ANKRD16: variants seen among roughly 807,000 people sequenced by gnomAD.
ANKRD16 encodes the protein ankyrin repeat domain-containing protein 16.
Under a neutral mutation model 37.9 loss-of-function variants are expected in ANKRD16, and 35 were observed. The observed-to-expected ratio is 0.92, with a 90% CI of 0.71 to 1.23. The LOEUF is 1.23. Among genes scored for constraint, ANKRD16 ranks in the 50% most tolerant of loss-of-function variants. ANKRD16 has a pLI of 0.00. For synonymous variants in ANKRD16, 206 were observed against 197.2 expected (o/e 1.04, Z -0.37); for missense variants, 480 against 469.9 (o/e 1.02, Z -0.20).
At chr10:5,887,759 A>T in intron 2 of ANKRD16, 88 bp downstream of exon 2, 1 of 1,024,550 alleles carries the variant, frequency 9.8e-7, no homozygotes, top group Non-Finnish European at 1.3e-6. Context: ...CTTTCCCCTG[A>T]AGGTGACCTG....
rs1011605869 is a variant in ANKRD16, at chr10:5,883,418, A to G, written c.688-251T>C. ...AACCTCCATCTCCTTGGTTCAAGCG[A>G]GTCTCTTGCTTCAGCCTCAGGTGTG... On this transcript the variant is annotated intron_variant, in intron 4 of 7. Coordinates refer to ENST00000380094, the MANE Select transcript of ANKRD16 (RefSeq NM_019046.3). 5.3e-5 allele frequency among the ~76,000 whole-genome samples: 8 copies of G among 152,116 alleles called. 1 individual carries two copies. Among genetic ancestry groups the G allele is most frequent in the Non-Finnish European group, 1.2e-4 (8 of 68,024 alleles).
At position 5,870,796 on chromosome 10, in the gene ANKRD16, T is replaced by C. The variant is rs755083756; in HGVS notation, c.*33+7301A>G. On this transcript the variant is annotated intron_variant, in intron 7 of 7. Coordinates refer to ENST00000380094, the MANE Select transcript of ANKRD16 (RefSeq NM_019046.3). This position sits in a 1 kb window ranked among gnomAD's most constrained non-coding sequence, Gnocchi z 5.0. ...AACAAGAGACCTGGTTCACCTGTGG[T>C]GAAGCCAGGAGAGGTGTCATGTTGG... Among the ~76,000 whole-genome samples the C allele has an allele frequency of 6.6e-6, 1 of 152,134 alleles. No homozygotes were observed. The highest frequency in any genetic ancestry group is 2.4e-5 in the African/African-American group (1 of 41,426).
At chr10:5,885,431 C>T (rs1009556930) in intron 3 of ANKRD16, among the ~76,000 whole-genome samples, 11 of 152,112 alleles carry the variant, frequency 7.2e-5, no homozygotes, top group Non-Finnish European at 1.6e-4. Context: ...ATCCGCCCGC[C>T]TCGGCCTCGC....
At chr10:5,876,374 C>G (rs1364290008) in intron 7 of ANKRD16, among the ~76,000 whole-genome samples, 1 of 152,222 alleles carries the variant, frequency 6.6e-6, no homozygotes, top group Non-Finnish European at 1.5e-5. Flanking sequence ...GGAAGCTGAT[C>G]GTGCACGCAG....
In ANKRD16 at chr10:5,862,730, G is replaced by T. The variant is rs1265055196; in HGVS notation, c.*34-39C>A. ...GTTATTATCATCTCAGTTTACAGAT[G>T]AAACAGAAGCTCAGAGAGGGCAAGC... On this transcript the variant is annotated intron_variant, in intron 7 of 7. Coordinates refer to ENST00000380094, the MANE Select transcript of ANKRD16 (RefSeq NM_019046.3). The surrounding 1 kb of genome is among the most constrained non-coding windows in gnomAD (Gnocchi z 6.5). 1 of 1,269,644 alleles carries T rather than the reference G, an allele frequency of 7.9e-7. No individual in the cohort carries two copies. Among genetic ancestry groups the T allele is most frequent in the Non-Finnish European group, 1.0e-6 (1 of 970,740 alleles). 78.6% of individuals were successfully genotyped at this position (1,269,644 alleles called of 1,614,324 possible). A position where few individuals can be genotyped will look rare whatever the true frequency, so the allele number is the denominator to read the frequency against.
Position 5,887,923 on chromosome 10 carries a change from G to A in ANKRD16, c.459C>T (p.Leu153=), listed in dbSNP as rs1842471336. Residue 153 remains leucine, a synonymous_variant, in exon 2 of 8, where the codon CTC becomes CTT. Transcript: ENST00000380094. The stretch of plus-strand genomic sequence containing the variant: ...CTGGGCAAACAGTGAGCAGGTACTG[G>A]AGGATCAGAGGGTCGCCTTCTCGAC... ...IASREGDPLI[L]QYLLTVCPGA... 1 of 1,614,082 alleles carries A rather than the reference G, an allele frequency of 6.2e-7. No homozygotes were observed. The highest frequency in any genetic ancestry group is 1.3e-5 in the African/African-American group (1 of 74,918).
chr10:5,889,760 C>T lies in ANKRD16; in HGVS notation c.-406G>A, dbSNP rs1842574380. On this transcript the variant is annotated 5_prime_UTR_variant, in exon 1 of 8. Transcript: ENST00000380094. ...TGAACACGTAAGGGAGTGGGGCGCG[C>T]CGCTACACCGCAAAGCCCCAAAGTG... is the stretch of plus-strand genomic sequence containing the variant. The T allele has an allele frequency of 6.3e-6, 1 of 158,138 alleles. No homozygotes were observed. Among genetic ancestry groups the T allele is most frequent in the African/African-American group, 2.4e-5 (1 of 41,732 alleles). 9.8% of individuals were successfully genotyped at this position (158,138 alleles called of 1,614,324 possible).
At position 5,863,135 on chromosome 10, in the gene ANKRD16, G is replaced by C. The variant is rs374489130; in HGVS notation, c.*34-444C>G. ...CAACACGAGGCCTCCCCAACGCAGT[G>C]TCCACACCAGCATTACTGTGGAACT... On this transcript the variant is annotated intron_variant, in intron 7 of 7. Transcript: ENST00000380094. This position sits in a 1 kb window ranked among gnomAD's most constrained non-coding sequence, Gnocchi z 4.7. Among the ~76,000 whole-genome samples the C allele has an allele frequency of 1.3e-5, 2 of 152,114 alleles. No homozygotes were observed. The highest frequency in any genetic ancestry group is 3.9e-4 in the East Asian group (2 of 5,174).
At position 5,877,166 on chromosome 10, in the gene ANKRD16, G is replaced by A. The variant is rs181448763; in HGVS notation, c.*33+931C>T. The stretch of plus-strand genomic sequence containing the variant: ...CATGCTCTGTCGCCCAGGCTGGAGT[G>A]CAGTGGCGCTATCTCAGCTCACTGC... On this transcript the variant is annotated intron_variant, in intron 7 of 7. Transcript: ENST00000380094. 4.0e-3 allele frequency among the ~76,000 whole-genome samples: 614 copies of A among 152,070 alleles called. 6 individuals are homozygous for A. The highest frequency in any genetic ancestry group is 0.014 in the African/African-American group (585 of 41,466).
chr10:5,865,601 G>A lies in ANKRD16; in HGVS notation c.*34-2910C>T, dbSNP rs952319449. Reference sequence around the variant, plus strand: ...GGTCTGTTACCATCCAAGGAATCCTGGGACAGCCTATAACCAGGTATTTCT... The same window carrying A: ...GGTCTGTTACCATCCAAGGAATCCTAGGACAGCCTATAACCAGGTATTTCT... On this transcript the variant is annotated intron_variant, in intron 7 of 7. Transcript: ENST00000380094. This position sits in a 1 kb window ranked among gnomAD's most constrained non-coding sequence, Gnocchi z 4.7. Among the ~76,000 whole-genome samples, 2 of 152,144 alleles carry A rather than the reference G, an allele frequency of 1.3e-5. No homozygotes were observed. Among genetic ancestry groups the A allele is most frequent in the African/African-American group, 4.8e-5 (2 of 41,422 alleles).
At chr10:5,875,264 T>A (rs1842165918) in intron 7 of ANKRD16, among the ~76,000 whole-genome samples, 1 of 152,160 alleles carries the variant, frequency 6.6e-6, no homozygotes, top group Non-Finnish European at 1.5e-5. Flanking sequence ...GGTAAGGGCT[T>A]AGCACACTAT....
rs994545049 is a variant in ANKRD16, at chr10:5,883,974, G to A, written c.682C>T (p.His228Tyr). 3.1e-6 allele frequency: 5 copies of A among 1,613,452 alleles called. No individual in the cohort carries two copies. Among genetic ancestry groups the A allele is most frequent in the Non-Finnish European group, 4.2e-6 (5 of 1,179,678 alleles). ...AAACACAACCATTTTTATACCCCAT[G>A]TTCATCGAGGAGCAGCCTAGCGACG... ...IDVARLLLDE[H>Y]GACLSAEDSL... Residue 228 changes from histidine to tyrosine, a missense_variant, in exon 4 of 8, where the codon CAT (histidine) becomes TAT (tyrosine). By Grantham distance (83) the His-to-Tyr change is moderately conservative. Coordinates refer to ENST00000380094, the MANE Select transcript of ANKRD16 (RefSeq NM_019046.3).
rs1375348775 is a variant in ANKRD16, at chr10:5,863,792, G to C, written c.*34-1101C>G. ...CCCACTGGGAAGAACAAACAACTCT[G>C]GATGCACCATCTTTAAGACTGTAAC... On this transcript the variant is annotated intron_variant, in intron 7 of 7. Coordinates refer to ENST00000380094, the MANE Select transcript of ANKRD16 (RefSeq NM_019046.3). This position sits in a 1 kb window ranked among gnomAD's most constrained non-coding sequence, Gnocchi z 4.7. Among the ~76,000 whole-genome samples the C allele has an allele frequency of 6.6e-6, 1 of 152,108 alleles. No homozygotes were observed. The highest frequency in any genetic ancestry group is 6.5e-5 in the Admixed American group (1 of 15,274).
rs1443837239 is a variant in ANKRD16, at chr10:5,868,103, T to C, written c.*34-5412A>G. On this transcript the variant is annotated intron_variant, in intron 7 of 7. Transcript: ENST00000380094. The surrounding 1 kb of genome is among the most constrained non-coding windows in gnomAD (Gnocchi z 4.9). ...TCTCCCCTTTCTAGGTCCCGTGACA[T>C]CCATCTTGCTATTACTCACCTTTGG... Among the ~76,000 whole-genome samples, 1 of 152,346 alleles carries C rather than the reference T, an allele frequency of 6.6e-6. No individual in the cohort carries two copies. Among genetic ancestry groups the C allele is most frequent in the East Asian group, 1.9e-4 (1 of 5,190 alleles).
At position 5,889,445 on chromosome 10, in the gene ANKRD16, G is replaced by T; in HGVS notation, c.-91C>A. On this transcript the variant is annotated 5_prime_UTR_variant, in exon 1 of 8. Transcript: ENST00000380094. ...AAGCCGAGGGCGAGTGGGACTTTCC[G>T]CCTCTTCACGCAACCTGCCCCGCGC... The T allele has an allele frequency of 1.1e-6, 1 of 935,466 alleles. No individual in the cohort carries two copies. Among genetic ancestry groups the T allele is most frequent in the Non-Finnish European group, 1.3e-6 (1 of 745,692 alleles). 57.9% of individuals were successfully genotyped at this position (935,466 alleles called of 1,614,324 possible). A position where few individuals can be genotyped will look rare whatever the true frequency, so the allele number is the denominator to read the frequency against.
At chr10:5,880,860 T>C (rs886498018) in intron 5 of ANKRD16, among the ~76,000 whole-genome samples, 19 of 152,204 alleles carry the variant, frequency 1.2e-4, no homozygotes, top group Middle Eastern at 3.2e-3. Flanking sequence ...TACGTTTTTA[T>C]TTTCCTTTCA....
intron 1 of ANKRD16, 66 bp from the exon 2 acceptor site, chr10:5,888,133 C>A: frequency 7.1e-7 from 1 of 1,398,856 alleles, no homozygotes; most frequent in Admixed American, 1.8e-5. Flanking sequence ...GGGGCCAGGT[C>A]TTCAAAACAC....
rs376592000 is a variant in ANKRD16, at chr10:5,883,089, G to A, written c.766C>T (p.Arg256Ter). The A allele has an allele frequency of 4.3e-6, 7 of 1,613,954 alleles. No homozygotes were observed. Among genetic ancestry groups the A allele is most frequent in the African/African-American group, 1.3e-5 (1 of 74,924 alleles). Residue 256 changes from arginine (R) to a stop codon, truncating the protein, a stop_gained, in exon 5 of 8, where the codon CGA becomes TGA. Coordinates refer to ENST00000380094, the MANE Select transcript of ANKRD16 (RefSeq NM_019046.3). LOFTEE classifies it high-confidence loss of function. ...AAVTGQDEAIRFLVSELGVDV... is the reference protein window; with the variant it reads ...AAVTGQDEAI ...ACGCCAAGTTCAGAGACCAAGAATC[G>A]GATGGCTTCGTCCTGCCCTGTGACA...
rs965371223 is a variant in ANKRD16 at position 5,889,746 on chromosome 10, G to T, written c.-392C>A. ...ACGTGATTCGGGACTGAACACGTAA[G>T]GGAGTGGGGCGCGCCGCTACACCGC... is the stretch of plus-strand genomic sequence containing the variant. On this transcript the variant is annotated 5_prime_UTR_variant, in exon 1 of 8. Coordinates refer to ENST00000380094, the MANE Select transcript of ANKRD16 (RefSeq NM_019046.3). 5.2e-4 allele frequency: 83 copies of T among 159,778 alleles called. No homozygotes were observed. The highest frequency in any genetic ancestry group is 9.6e-5 in the Non-Finnish European group (7 of 73,194). 9.9% of individuals were successfully genotyped at this position (159,778 alleles called of 1,614,324 possible).
Sources: gnomAD v4.1 joint callset for allele counts (sites outside exome capture counted in the v4.1 genomes callset) on GRCh38, gnomAD v4.1.1 for gene constraint, Gnocchi (gnomAD v3.1) non-coding constraint, MANE v1.5 for transcripts, NCBI Gene and HGNC (gene_info 2026-07-23, HGNC 2026-07-21) for gene names.